The following YWHAE variants were observed in gnomAD, a reference collection of about 807,000 sequenced individuals.
YWHAE encodes the protein 14-3-3 protein epsilon.
A neutral mutation model predicts 30.1 loss-of-function variants in YWHAE; 4 were observed. That is an observed-to-expected ratio of 0.13 (90% CI 0.07 to 0.30). The LOEUF is 0.30. Ranked by LOEUF, YWHAE falls within the 10% of genes least tolerant of loss-of-function variation. The pLI is 1.00. For synonymous variants in YWHAE, 118 were observed against 111.8 expected, an observed-to-expected ratio of 1.06 and a Z score of -0.35; for missense variants, 121 against 315.9, an observed-to-expected ratio of 0.38 and a Z score of 4.68.
intron 2 of YWHAE, among the ~76,000 whole-genome samples, chr17:1,362,800 A>C (rs372373708): frequency 1.3e-5 from 2 of 152,050 alleles, no homozygotes; most frequent in South Asian, 2.1e-4. Flanking sequence ...CCTTATCCCA[A>C]GCAAAACTAC....
chr17:1,352,626 A>C (rs996782801), intron 5 of YWHAE, among the ~76,000 whole-genome samples: 1 of 151,908 alleles, frequency 6.6e-6, no homozygotes, highest in Non-Finnish European at 1.5e-5. Flanking sequence ...CCTGGGTTTA[A>C]GCAATTCTCC....
chr17:1,354,171 C>T (rs752249950), intron 5 of YWHAE, 40 bp downstream of exon 5: 9 of 1,599,614 alleles, frequency 5.6e-6, no homozygotes, highest in East Asian at 2.2e-5. Context: ...ACAAATCCTG[C>T]AACTGAAAGA....
intron 1 of YWHAE, among the ~76,000 whole-genome samples, chr17:1,382,396 T>C (rs1186344321): frequency 1.4e-5 from 2 of 140,552 alleles, no homozygotes; most frequent in Non-Finnish European, 3.1e-5. Flanking sequence ...CAGGCTACAG[T>C]GCAGCAGCGC....
intron 4 of YWHAE, among the ~76,000 whole-genome samples, chr17:1,356,215 C>CACACA (rs1320076580): frequency 1.4e-3 from 196 of 135,610 alleles, no homozygotes; most frequent in African/African-American, 5.1e-3. Flanking sequence ...CACACACACA[C>CACACA]AAAATTAGCC....
At chr17:1,385,018 G>C (rs1423511592) in intron 1 of YWHAE, among the ~76,000 whole-genome samples, 1 of 151,216 alleles carries the variant, frequency 6.6e-6, no homozygotes, top group Non-Finnish European at 1.5e-5. Flanking sequence ...TTTCTTTTTA[G>C]AGGAGTCTCC....
At chr17:1,370,231 A>G (rs950643191) in intron 1 of YWHAE, among the ~76,000 whole-genome samples, 1 of 135,424 alleles carries the variant, frequency 7.4e-6, no homozygotes, top group Non-Finnish European at 1.5e-5. Context: ...GGTTCACGCC[A>G]TTCTCCTGCC....
rs117914535 is a variant in YWHAE, at chr17:1,348,432, G to A, written c.716-2933C>T. On this transcript the variant is annotated intron_variant, in intron 5 of 5. Transcript: ENST00000264335. Reference sequence around the variant, plus strand: ...AATTATGTTCCAACATGCTGGGACAGACATTAACATATTCTAAAATTAAAA... The same window carrying A: ...AATTATGTTCCAACATGCTGGGACAAACATTAACATATTCTAAAATTAAAA... Among the ~76,000 whole-genome samples the A allele has an allele frequency of 5.3e-4, 81 of 152,246 alleles. No individual in the cohort carries two copies. In the East Asian group the frequency reaches 6.4e-3, roughly 12 times the overall value.
intron 1 of YWHAE, chr17:1,369,746 A>C (rs972725389): frequency 4.0e-5 from 6 of 151,378 alleles, no homozygotes; most frequent in Non-Finnish European, 7.4e-5. Flanking sequence ...AGAGCACTGC[A>C]AAAAAAAATA....
intron 1 of YWHAE, among the ~76,000 whole-genome samples, chr17:1,392,111 G>C (rs1308174665): frequency 6.6e-6 from 1 of 152,114 alleles, no homozygotes; most frequent in Admixed American, 6.6e-5. Flanking sequence ...GAGGTGCCCA[G>C]GGGGTCAAAG....
chr17:1,388,937 T>C (rs1003946518), intron 1 of YWHAE, among the ~76,000 whole-genome samples: 7 of 152,142 alleles, frequency 4.6e-5, no homozygotes, highest in Non-Finnish European at 1.0e-4. Context: ...CCTATTACAA[T>C]CAAATACAAG....
intron 1 of YWHAE, among the ~76,000 whole-genome samples, chr17:1,377,999 A>ACCTCCCTG (rs1186106400): frequency 1.3e-5 from 2 of 151,798 alleles, no homozygotes; most frequent in Non-Finnish European, 2.9e-5. Flanking sequence ...CAGTGAGCCA[A>ACCTCCCTG]GATCGCGTCA....
At chr17:1,396,856 A>T (rs2150881846) in intron 1 of YWHAE, among the ~76,000 whole-genome samples, 1 of 150,860 alleles carries the variant, frequency 6.6e-6, no homozygotes, top group South Asian at 2.1e-4. Context: ...TTCTGACTTC[A>T]GGTGATCCAC....
chr17:1,379,462 G>A (rs2073172664), intron 1 of YWHAE, among the ~76,000 whole-genome samples: 1 of 152,182 alleles, frequency 6.6e-6, no homozygotes, highest in South Asian at 2.1e-4. Context: ...TCCAGCCTGG[G>A]CAAAGAAAGC....
chr17:1,349,329 G>C (rs2072581551), intron 5 of YWHAE, among the ~76,000 whole-genome samples: 1 of 152,088 alleles, frequency 6.6e-6, no homozygotes, highest in Non-Finnish European at 1.5e-5. Context: ...GCAACAGAGT[G>C]ATACTCCATC....
intron 1 of YWHAE, among the ~76,000 whole-genome samples, chr17:1,376,329 AAGACAGAAAGAC>A (rs1048561152): frequency 5.3e-5 from 8 of 152,260 alleles, no homozygotes; most frequent in Non-Finnish European, 7.4e-5. Flanking sequence ...AGAAAGAACG[AAGACAGAAAGAC>A]AGACAGAAAG....
intron 1 of YWHAE, among the ~76,000 whole-genome samples, chr17:1,386,159 A>G (rs1567981882): frequency 6.6e-6 from 1 of 152,174 alleles, no homozygotes; most frequent in Non-Finnish European, 1.5e-5. Context: ...ACAGTAGATG[A>G]TATTATTATT....
At chr17:1,358,085 TG>T (rs554439492) in intron 4 of YWHAE, among the ~76,000 whole-genome samples, 25 of 151,768 alleles carry the variant, frequency 1.6e-4, no homozygotes, top group African/African-American at 5.8e-4. Context: ...GAAAAAAACA[TG>T]AATTCAAAAA....
intron 1 of YWHAE, among the ~76,000 whole-genome samples, chr17:1,374,717 T>C (rs1160310255): frequency 3.3e-5 from 5 of 152,222 alleles, no homozygotes; most frequent in East Asian, 1.9e-4. Context: ...TATGAGCCTT[T>C]TGCGTATGTT....
At chr17:1,381,693 A>T (rs960001849) in intron 1 of YWHAE, among the ~76,000 whole-genome samples, 1 of 151,984 alleles carries the variant, frequency 6.6e-6, no homozygotes. Flanking sequence ...ACGCGGGTGG[A>T]TCGCTTCAAC....
Sources: gnomAD v4.1 joint callset for allele counts (sites outside exome capture counted in the v4.1 genomes callset) on GRCh38, gnomAD v4.1.1 for gene constraint, MANE v1.5 for transcripts, NCBI Gene and HGNC (gene_info 2026-07-23, HGNC 2026-07-21) for gene names.